STARD13: variants seen among roughly 807,000 people sequenced by gnomAD.
STARD13 encodes the protein stAR-related lipid transfer protein 13.
A neutral mutation model predicts 106.4 loss-of-function variants in STARD13; 62 were observed. That is an observed-to-expected ratio of 0.58 (90% CI 0.48 to 0.72). The LOEUF is 0.72. Ranked by LOEUF, STARD13 falls within the 30% of genes least tolerant of loss-of-function variation. The pLI, the probability that STARD13 is intolerant of heterozygous loss-of-function variation, is 0.00. For synonymous variants in STARD13, 565 were observed against 553.0 expected (o/e 1.02, Z -0.31); for missense variants, 1,387 against 1,424.0 (o/e 0.97, Z 0.42).
the STARD13 span, among the ~76,000 whole-genome samples, chr13:33,470,258 G>A: frequency 3.8e-3 from 583 of 152,098 alleles, 6 homozygotes; most frequent in Middle Eastern, 0.024. Context: ...ATAGTATTCC[G>A]CGGTGTATAT....
chr13:33,128,862 A>G, intron 5 of STARD13, 67 bp downstream of exon 5: 1 of 1,481,176 alleles, frequency 6.8e-7, no homozygotes, highest in South Asian at 1.3e-5. Flanking sequence ...TGTTTGTTAA[A>G]GAAATAAACA....
intron 1 of STARD13, among the ~76,000 whole-genome samples, chr13:33,342,920 C>T (rs1463318168): frequency 6.6e-6 from 1 of 152,216 alleles, no homozygotes; most frequent in Non-Finnish European, 1.5e-5. Flanking sequence ...AAGAGCCCCC[C>T]AGGACTTGGC....
At chr13:33,603,427 C>T in the STARD13 span, among the ~76,000 whole-genome samples, 72 of 152,262 alleles carry the variant, frequency 4.7e-4, no homozygotes, top group African/African-American at 1.5e-3. Context: ...AAGCTCCTAA[C>T]CCCTAACATA....
the STARD13 span, among the ~76,000 whole-genome samples, chr13:33,593,162 A>C: frequency 1.0e-3 from 154 of 152,052 alleles, 1 homozygote; most frequent in African/African-American, 3.6e-3. Flanking sequence ...GAAGATGTTT[A>C]CTTTTATTTA....
At chr13:33,521,133 G>A in the STARD13 span, among the ~76,000 whole-genome samples, 2 of 152,128 alleles carry the variant, frequency 1.3e-5, no homozygotes, top group African/African-American at 4.8e-5. Context: ...GTCAGGAACT[G>A]AGAGTCACTT....
the STARD13 span, among the ~76,000 whole-genome samples, chr13:33,491,186 A>G: frequency 1.3e-5 from 2 of 152,374 alleles, no homozygotes; most frequent in Non-Finnish European, 2.9e-5. Flanking sequence ...CAGACCTTGG[A>G]AAAATGCCAG....
chr13:33,471,014 A>T, the STARD13 span, among the ~76,000 whole-genome samples: 1 of 152,134 alleles, frequency 6.6e-6, no homozygotes, highest in Non-Finnish European at 1.5e-5. Context: ...TATGTCCTGA[A>T]TGGTAATGCC....
chr13:33,444,141 G>A, the STARD13 span, among the ~76,000 whole-genome samples: 4 of 152,212 alleles, frequency 2.6e-5, no homozygotes, highest in East Asian at 7.7e-4. Context: ...TTTTCTCTGG[G>A]TATTGTATTC....
intron 1 of STARD13, among the ~76,000 whole-genome samples, chr13:33,207,912 C>G (rs1010041053): frequency 2.0e-5 from 3 of 152,166 alleles, no homozygotes; most frequent in African/African-American, 7.2e-5. Context: ...CTGCTCCTAC[C>G]CTGCCTGGCA....
At chr13:33,643,564 G>A in the STARD13 span, among the ~76,000 whole-genome samples, 1 of 152,210 alleles carries the variant, frequency 6.6e-6, no homozygotes, top group Non-Finnish European at 1.5e-5. Flanking sequence ...GTTTGTTCAC[G>A]AGACACAATA....
At chr13:33,620,578 C>T in the STARD13 span, among the ~76,000 whole-genome samples, 6 of 151,932 alleles carry the variant, frequency 3.9e-5, no homozygotes, top group South Asian at 2.1e-4. Flanking sequence ...CCACCATGCC[C>T]GGCCAGAATA....
chr13:33,276,796 C>T (rs1174510551), intron 1 of STARD13: 1 of 152,076 alleles, frequency 6.6e-6, no homozygotes, highest in Non-Finnish European at 1.5e-5. Flanking sequence ...CATTGTTTCG[C>T]CCTTGTGTTT....
At chr13:33,469,682 T>C in the STARD13 span, among the ~76,000 whole-genome samples, 2 of 152,202 alleles carry the variant, frequency 1.3e-5, no homozygotes, top group African/African-American at 4.8e-5. Context: ...TGTGAAATGG[T>C]GAGAGTAGAC....
At chr13:33,527,970 T>C in the STARD13 span, among the ~76,000 whole-genome samples, 1 of 151,090 alleles carries the variant, frequency 6.6e-6, no homozygotes, top group Non-Finnish European at 1.5e-5. Context: ...GTAACACTAG[T>C]TTTTGGTCCC....
chr13:33,289,996 A>C (rs1368277821), upstream of STARD13, among the ~76,000 whole-genome samples: 3 of 152,174 alleles, frequency 2.0e-5, no homozygotes, highest in East Asian at 5.8e-4. Context: ...TGTCAATGCA[A>C]ACACTCCAAA....
At chr13:33,376,592 T>C in the STARD13 span, among the ~76,000 whole-genome samples, 23 of 151,226 alleles carry the variant, frequency 1.5e-4, no homozygotes, top group Non-Finnish European at 2.9e-4. Flanking sequence ...CCACACTCTA[T>C]CCTGACCAAC....
At chr13:33,263,988 C>T (rs1566106155) in intron 1 of STARD13, among the ~76,000 whole-genome samples, 1 of 152,168 alleles carries the variant, frequency 6.6e-6, no homozygotes, top group Non-Finnish European at 1.5e-5. Flanking sequence ...CATAAAAAGT[C>T]ACACACCTTG....
intron 5 of STARD13, 51 bp from the exon 6 acceptor site, chr13:33,127,597 CG>C (rs1877401463): frequency 6.7e-7 from 1 of 1,483,642 alleles, no homozygotes; most frequent in Admixed American, 2.6e-5. Context: ...GACTTGGTAG[CG>C]GGAAACACGG....
At chr13:33,297,603 A>G (rs1892544972) in intron 1 of STARD13, among the ~76,000 whole-genome samples, 2 of 136,642 alleles carry the variant, frequency 1.5e-5, no homozygotes, top group African/African-American at 5.7e-5. Flanking sequence ...TGTTTTGAAA[A>G]TTAAAAAAAA....
Sources: gnomAD v4.1 joint callset for allele counts (sites outside exome capture counted in the v4.1 genomes callset) on GRCh38, gnomAD v4.1.1 for gene constraint, MANE v1.5 for transcripts, NCBI Gene and HGNC (gene_info 2026-07-23, HGNC 2026-07-21) for gene names.